SGCZ: variants seen among roughly 807,000 people sequenced by gnomAD.
SGCZ encodes sarcoglycan zeta, also known as zeta-sarcoglycan.
Under a neutral mutation model 41.3 loss-of-function variants are expected in SGCZ, and 40 were observed. The ratio of observed to expected loss-of-function variants is 0.97; its 90% CI spans 0.75 to 1.26. SGCZ has a LOEUF of 1.26. SGCZ is among the 50% of genes most tolerant of loss of function. SGCZ has a pLI of 0.00. For synonymous variants in SGCZ, 206 were observed against 137.5 expected (o/e 1.50, Z -3.49); for missense variants, 552 against 369.8 (o/e 1.49, Z -4.04).
intron 2 of SGCZ, among the ~76,000 whole-genome samples, chr8:14,335,158 A>C (rs1308779318): frequency 6.6e-6 from 1 of 152,140 alleles, no homozygotes; most frequent in Non-Finnish European, 1.5e-5. Context: ...CCTAATCTCC[A>C]TGGTGATTTA....
chr8:15,048,568 C>T (rs1804398538), intron 1 of SGCZ, among the ~76,000 whole-genome samples: 1 of 151,998 alleles, frequency 6.6e-6, no homozygotes, highest in Non-Finnish European at 1.5e-5. Context: ...ACATTGTGTA[C>T]ATGTATCAAA....
At chr8:15,048,323 G>C (rs1804387522) in intron 1 of SGCZ, among the ~76,000 whole-genome samples, 1 of 151,992 alleles carries the variant, frequency 6.6e-6, no homozygotes, top group Non-Finnish European at 1.5e-5. Context: ...CCAGAGGCTG[G>C]AAAGAATAGG....
intron 1 of SGCZ, among the ~76,000 whole-genome samples, chr8:14,817,766 T>C (rs569410715): frequency 2.6e-4 from 39 of 152,268 alleles, no homozygotes; most frequent in African/African-American, 8.9e-4. Context: ...TGTGCGCTCA[T>C]TGTTGTGCAC....
At chr8:14,780,009 C>T (rs1800535914) in intron 1 of SGCZ, among the ~76,000 whole-genome samples, 1 of 152,152 alleles carries the variant, frequency 6.6e-6, no homozygotes, top group African/African-American at 2.4e-5. Flanking sequence ...ATTCTACAGT[C>T]AGAGTGCCTT....
At chr8:14,460,801 A>C (rs1046599604) in intron 2 of SGCZ, among the ~76,000 whole-genome samples, 3 of 152,174 alleles carry the variant, frequency 2.0e-5, no homozygotes, top group African/African-American at 7.2e-5. Flanking sequence ...TTGGGAGTCT[A>C]AAATTTGTAT....
intron 1 of SGCZ, among the ~76,000 whole-genome samples, chr8:14,616,310 C>T (rs1005688745): frequency 2.0e-5 from 3 of 151,324 alleles, no homozygotes; most frequent in African/African-American, 7.3e-5. Flanking sequence ...AAAGAAAAAC[C>T]CTGAACTAGA....
At chr8:14,998,101 C>G (rs536874593) in intron 1 of SGCZ, among the ~76,000 whole-genome samples, 1 of 152,168 alleles carries the variant, frequency 6.6e-6, no homozygotes, top group Non-Finnish European at 1.5e-5. Context: ...TAAAGTACTG[C>G]GTCTTTTTCA....
At chr8:15,207,885 T>C (rs574685639) in intron 1 of SGCZ, among the ~76,000 whole-genome samples, 96 of 152,236 alleles carry the variant, frequency 6.3e-4, no homozygotes, top group African/African-American at 2.1e-3. Flanking sequence ...AAAATGTATG[T>C]TGGGTAGTTT....
intron 5 of SGCZ, among the ~76,000 whole-genome samples, chr8:14,113,064 TC>T (rs1328759937): frequency 6.6e-6 from 1 of 152,144 alleles, no homozygotes; most frequent in African/African-American, 2.4e-5. Flanking sequence ...ATTTTAATAA[TC>T]TAAGTGGTGT....
At chr8:14,214,392 G>A (rs1480053387) in intron 4 of SGCZ, among the ~76,000 whole-genome samples, 3 of 152,020 alleles carry the variant, frequency 2.0e-5, no homozygotes, top group African/African-American at 4.8e-5. Context: ...GAACACTAAC[G>A]TAAAACCTCA....
chr8:15,105,723 G>A (rs1419125570), intron 1 of SGCZ, among the ~76,000 whole-genome samples: 1 of 152,146 alleles, frequency 6.6e-6, no homozygotes. Flanking sequence ...ATTCACCAGT[G>A]TTTAATCATC....
intron 1 of SGCZ, among the ~76,000 whole-genome samples, chr8:14,562,542 T>G (rs1804237897): frequency 2.0e-5 from 3 of 152,148 alleles, no homozygotes; most frequent in South Asian, 2.1e-4. Context: ...ACTTTTAAAA[T>G]GGTAGAAAGA....
intron 1 of SGCZ, among the ~76,000 whole-genome samples, chr8:14,727,338 AAAG>A (rs1178909517): frequency 6.6e-6 from 1 of 152,178 alleles, no homozygotes; most frequent in Non-Finnish European, 1.5e-5. Flanking sequence ...ACCAACTACT[AAAG>A]AAGATGTGTA....
At chr8:14,840,995 T>C (rs1802886577) in intron 1 of SGCZ, among the ~76,000 whole-genome samples, 1 of 152,132 alleles carries the variant, frequency 6.6e-6, no homozygotes, top group Non-Finnish European at 1.5e-5. Context: ...TCTTACAATT[T>C]TCATCCTACA....
chr8:15,189,518 T>C (rs757928528), intron 1 of SGCZ, among the ~76,000 whole-genome samples: 18 of 152,020 alleles, frequency 1.2e-4, no homozygotes, highest in Non-Finnish European at 1.6e-4. Flanking sequence ...CTCAAGGGAC[T>C]CTTTGTGTAC....
chr8:14,310,048 A>T (rs572510260), intron 3 of SGCZ, among the ~76,000 whole-genome samples: 1 of 152,262 alleles, frequency 6.6e-6, no homozygotes, highest in Admixed American at 6.5e-5. Flanking sequence ...GGAAAAAAAA[A>T]TTCTGTTGTT....
chr8:14,232,929 C>A (rs1806623506), intron 4 of SGCZ, among the ~76,000 whole-genome samples: 3 of 151,870 alleles, frequency 2.0e-5, no homozygotes, highest in African/African-American at 4.8e-5. Flanking sequence ...TTTTTAATAC[C>A]CAATTCACCT....
chr8:14,419,746 G>A (rs931233802), intron 2 of SGCZ, among the ~76,000 whole-genome samples: 1 of 151,910 alleles, frequency 6.6e-6, no homozygotes, highest in Non-Finnish European at 1.5e-5. Context: ...GAGTAATGGT[G>A]TGCCCAATTT....
At chr8:14,204,280 G>GTTTTTTT (rs11384632) in intron 4 of SGCZ, among the ~76,000 whole-genome samples, 6 of 146,342 alleles carry the variant, frequency 4.1e-5, no homozygotes, top group Admixed American at 6.8e-5. Flanking sequence ...CACTCTGAAT[G>GTTTTTTT]TTTTTTTTTT....
Sources: allele counts gnomAD v4.1 joint callset (sites outside exome capture counted in the v4.1 genomes callset), GRCh38; gene constraint gnomAD v4.1.1; transcripts MANE v1.5; gene names NCBI Gene and HGNC (gene_info 2026-07-23, HGNC 2026-07-21).